The following MYO16 variants were observed in gnomAD, a reference collection of about 807,000 sequenced individuals.
The protein encoded by MYO16 is myosin XVI.
Under a neutral mutation model 205.3 loss-of-function variants are expected in MYO16, and 94 were observed. That is an observed-to-expected ratio of 0.46 (90% CI 0.39 to 0.54). The LOEUF (loss-of-function observed/expected upper bound fraction) is 0.54. Among genes scored for constraint, MYO16 ranks in the 20% least tolerant of loss-of-function variants. The pLI, the probability that MYO16 is intolerant of heterozygous loss-of-function variation, is 0.00. For missense variants in MYO16, 2,315 were observed against 2,387.5 expected, an observed-to-expected ratio of 0.97 and a Z score of 0.63; for synonymous variants, 988 against 954.0, an observed-to-expected ratio of 1.04 and a Z score of -0.66.
intron 20 of MYO16, among the ~76,000 whole-genome samples, chr13:108,974,500 G>A (rs1406276390): frequency 1.3e-5 from 2 of 152,018 alleles, no homozygotes; most frequent in Non-Finnish European, 2.9e-5. Context: ...TAATTTCTTA[G>A]TTTATTGATT....
rs112816232 is a variant in MYO16, at chr13:108,991,828, G to A, written c.2370-548G>A. ...AAGTCCAACCTAAGGAGATAGCCAC[G>A]AGAACTATTTCAGAGAAGCAAATAT... On this transcript the variant is annotated intron_variant, in intron 20 of 34. Transcript: ENST00000457511. Among the ~76,000 whole-genome samples the A allele has an allele frequency of 9.2e-4, 140 of 152,326 alleles. 1 individual carries two copies. The highest frequency in any genetic ancestry group is 3.1e-3 in the African/African-American group (129 of 41,576).
chr13:109,049,926 CTGTGTGTGTGTGTGTG>C (rs35960970), intron 24 of MYO16, among the ~76,000 whole-genome samples: 33 of 105,908 alleles, frequency 3.1e-4, no homozygotes, highest in Non-Finnish European at 5.3e-4. Context: ...TTCCTTTGTC[CTGTGTGTGTGTGTGTG>C]TGTGTGTGTG....
chr13:108,857,030 C>T (rs985209791), intron 11 of MYO16, among the ~76,000 whole-genome samples: 8 of 152,202 alleles, frequency 5.3e-5, no homozygotes, highest in African/African-American at 1.9e-4. Context: ...GACTCTTCCT[C>T]ACTTATATCT....
chr13:109,036,489 G>A (rs1246265776), intron 23 of MYO16, among the ~76,000 whole-genome samples: 1 of 152,104 alleles, frequency 6.6e-6, no homozygotes, highest in Non-Finnish European at 1.5e-5. Flanking sequence ...GAGTGTTACA[G>A]CAAGTACTTC....
intron 3 of MYO16, among the ~76,000 whole-genome samples, chr13:108,716,826 G>C (rs1328426196): frequency 1.3e-5 from 2 of 152,136 alleles, no homozygotes; most frequent in African/African-American, 4.8e-5. Context: ...AGATATTTGA[G>C]AAACATATTT....
intron 8 of MYO16, 37 bp from the exon 9 acceptor site, chr13:108,823,088 C>T: frequency 6.4e-7 from 1 of 1,557,810 alleles, no homozygotes; most frequent in Non-Finnish European, 8.7e-7. Flanking sequence ...TATCACCACC[C>T]ATCATTTTTC....
In MYO16 at chr13:108,665,951, T is replaced by A; in HGVS notation, c.94T>A (p.Ser32Thr). The A allele has an allele frequency of 6.2e-7, 1 of 1,614,036 alleles. No individual in the cohort carries two copies. The highest frequency in any genetic ancestry group is 8.5e-7 in the Non-Finnish European group (1 of 1,179,964). The change falls in exon 2 of 35, where the codon TCC becomes ACC. Residue 32 changes from serine (S) to threonine (T), a missense_variant. By Grantham distance (58) the Ser-to-Thr change is moderately conservative. Coordinates refer to ENST00000457511, the MANE Select transcript of MYO16 (RefSeq NM_001198950.3). Reference protein sequence around the residue: ...EMEIDQCLLESLPLGQRQRLV... With the variant: ...EMEIDQCLLETLPLGQRQRLV... ...GGAAATCGACCAGTGCTTGCTAGAGTCCCTTCCCCTTGGCCAACGGCAGCG... is the reference window on the plus strand; with the variant it reads ...GGAAATCGACCAGTGCTTGCTAGAGACCCTTCCCCTTGGCCAACGGCAGCG...
At chr13:108,640,536 G>A (rs978679605) in intron 1 of MYO16, among the ~76,000 whole-genome samples, 2 of 152,156 alleles carry the variant, frequency 1.3e-5, no homozygotes, top group African/African-American at 4.8e-5. Flanking sequence ...AAACACATGA[G>A]CAGTGTTAAA....
chr13:108,986,622 C>CAAAAA (rs11350100), intron 20 of MYO16, among the ~76,000 whole-genome samples: 2 of 69,518 alleles, frequency 2.9e-5, no homozygotes, highest in African/African-American at 1.1e-4. Flanking sequence ...AACTCCGTCT[C>CAAAAA]AAAAAAAAAA....
At chr13:108,612,579 A>G (rs1385605332) in intron 1 of MYO16, among the ~76,000 whole-genome samples, 2 of 152,160 alleles carry the variant, frequency 1.3e-5, no homozygotes, top group Non-Finnish European at 2.9e-5. Flanking sequence ...GTCCTTGCCC[A>G]AATGGAGTTC....
At chr13:109,120,504 GT>G in intron 29 of MYO16, 38 bp downstream of exon 29, 1 of 1,514,868 alleles carries the variant, frequency 6.6e-7, no homozygotes. Flanking sequence ...ATTTATTTGA[GT>G]TGTGAAATGC....
At chr13:108,540,179 T>A in the MYO16 span, among the ~76,000 whole-genome samples, 1 of 152,130 alleles carries the variant, frequency 6.6e-6, no homozygotes, top group African/African-American at 2.4e-5. Flanking sequence ...TACACTGTAA[T>A]GAAGGACACT....
intron 23 of MYO16, among the ~76,000 whole-genome samples, chr13:109,027,136 C>G (rs1886388276): frequency 6.6e-6 from 1 of 152,126 alleles, no homozygotes; most frequent in African/African-American, 2.4e-5. Flanking sequence ...TTCCAAGCCT[C>G]TCTCCCAGCT....
intron 10 of MYO16, among the ~76,000 whole-genome samples, chr13:108,848,817 CG>C (rs1391820109): frequency 6.6e-6 from 1 of 152,028 alleles, no homozygotes; most frequent in Non-Finnish European, 1.5e-5. Context: ...CCTGTCTTGA[CG>C]AAAAAAAGTT....
chr13:108,900,171 G>A (rs1214143628), intron 15 of MYO16, among the ~76,000 whole-genome samples: 4 of 152,108 alleles, frequency 2.6e-5, no homozygotes, highest in African/African-American at 4.8e-5. Context: ...AGTTTAGAGG[G>A]TCCTTTTCTT....
intron 16 of MYO16, among the ~76,000 whole-genome samples, chr13:108,940,200 G>A (rs1481265218): frequency 6.6e-6 from 1 of 152,110 alleles, no homozygotes; most frequent in East Asian, 1.9e-4. Context: ...GAGAAGTTAA[G>A]GGGACAAGAT....
At chr13:108,825,132 C>A (rs755272445) in intron 9 of MYO16, among the ~76,000 whole-genome samples, 3 of 151,990 alleles carry the variant, frequency 2.0e-5, no homozygotes, top group African/African-American at 4.8e-5. Flanking sequence ...ATGAATATAG[C>A]TTTAAGACAC....
At chr13:108,820,287 C>T (rs375162462) in intron 7 of MYO16, 50 bp from the exon 8 acceptor site, 29 of 1,361,198 alleles carry the variant, frequency 2.1e-5, no homozygotes, top group Non-Finnish European at 2.7e-5. Context: ...ACTGATGTAT[C>T]CTAGCTTCTG....
chr13:108,935,737 C>T (rs1882450230), intron 16 of MYO16, among the ~76,000 whole-genome samples: 1 of 151,888 alleles, frequency 6.6e-6, no homozygotes, highest in South Asian at 2.1e-4. Context: ...TTTGCCTGTT[C>T]AGTACGATGT....
Sources: gnomAD v4.1 joint callset for allele counts (sites outside exome capture counted in the v4.1 genomes callset) on GRCh38, gnomAD v4.1.1 for gene constraint, MANE v1.5 for transcripts, NCBI Gene and HGNC (gene_info 2026-07-23, HGNC 2026-07-21) for gene names.